RBBP6: variants seen among roughly 807,000 people sequenced by gnomAD.
RBBP6 encodes the protein E3 ubiquitin-protein ligase RBBP6.
Under a neutral mutation model 167.7 loss-of-function variants are expected in RBBP6, and 25 were observed. That is an observed-to-expected ratio of 0.15 (90% CI 0.11 to 0.21). The LOEUF (loss-of-function observed/expected upper bound fraction) is 0.21. Ranked by LOEUF, RBBP6 falls within the 10% of genes least tolerant of loss-of-function variation. The pLI is 1.00. For synonymous variants in RBBP6, 789 were observed against 735.8 expected (o/e 1.07, Z -1.17); for missense variants, 1,868 against 2,134.2 (o/e 0.88, Z 2.46).
chr16:24,563,491 C>G lies in RBBP6; in HGVS notation c.1455C>G (p.Ile485Met). The part of the protein sequence containing the change: ...LGQSLLHGQL[I>M]PTTGPVRINT... ...AGTCATTATTGCATGGACAGTTGAT[C>G]CCCACAACTGGTGAGTAAGATCACT... Residue 485 changes from isoleucine (I) to methionine (M), a missense_variant, in exon 12 of 18, where the codon ATC becomes ATG. Ile to Met is a conservative substitution (Grantham distance 10, BLOSUM62 1). This residue lies in a region of RBBP6 where 245 missense variants were observed against 240.1 expected (regional missense o/e 1.02). Transcript: ENST00000319715. 1 of 1,612,754 alleles carries G rather than the reference C, an allele frequency of 6.2e-7. No homozygotes were observed. The highest frequency in any genetic ancestry group is 8.5e-7 in the Non-Finnish European group (1 of 1,179,684).
Position 24,563,462 on chromosome 16 carries a change from G to A in RBBP6, c.1426G>A (p.Gly476Arg). 1 of 1,610,882 alleles carries A rather than the reference G, an allele frequency of 6.2e-7. No homozygotes were observed. The highest frequency in any genetic ancestry group is 1.1e-5 in the South Asian group (1 of 90,884). ...TGTTCTTGGAACCCCATCTTTGCTT[G>A]GACAGTCATTATTGCATGGACAGTT... ...VPVLGTPSLL[G>R]QSLLHGQLIP... Residue 476 changes from glycine (G) to arginine (R), a missense_variant, in exon 12 of 18, where the codon GGA becomes AGA. Gly to Arg is a moderately radical substitution (Grantham distance 125, BLOSUM62 -2). Coordinates refer to ENST00000319715, the MANE Select transcript of RBBP6 (RefSeq NM_006910.5).
Position 24,567,424 on chromosome 16 carries a change from A to G in RBBP6, c.1871A>G (p.His624Arg), listed in dbSNP as rs565113509. Residue 624 changes from histidine (H) to arginine (R), a missense_variant, in exon 15 of 18, where the codon CAT becomes CGT. This residue lies in a region of RBBP6 where 145 missense variants were observed against 224.3 expected (regional missense o/e 0.65). Coordinates refer to ENST00000319715, the MANE Select transcript of RBBP6 (RefSeq NM_006910.5). The part of the protein sequence containing the change: ...PWVSSGVQTA[H>R]SNTIPTTQAP... ...GTATCATCAGGAGTGCAGACAGCTC[A>G]TTCAAATACCATCCCAACAACACAA... 9 of 1,614,204 alleles carry G rather than the reference A, an allele frequency of 5.6e-6. No individual in the cohort carries two copies. The South Asian group carries it at 8.8e-5, about 16-fold the overall frequency.
At chr16:24,567,927 C>G (rs1274075171) in intron 16 of RBBP6, 34 bp downstream of exon 16, 1 of 1,525,196 alleles carries the variant, frequency 6.6e-7, no homozygotes, top group Non-Finnish European at 9.1e-7. Flanking sequence ...AACAGAATTA[C>G]AAACGGGACT....
chr16:24,548,317 G>GT (rs67923848), intron 2 of RBBP6, among the ~76,000 whole-genome samples: 73,038 of 143,522 alleles, frequency 0.51, 19,323 homozygotes, highest in African/African-American at 0.67. Flanking sequence ...TTTTTGTTCA[G>GT]TTTTTTTTTT....
rs746355437 is a variant in RBBP6, at chr16:24,563,561, T to G, written c.1466-49T>G. On this transcript the variant is annotated intron_variant, in intron 12 of 17. Coordinates refer to ENST00000319715, the MANE Select transcript of RBBP6 (RefSeq NM_006910.5). ...CTTTAAAAAATAATTTTAGCTTGAT[T>G]TAATGTGCAATTTTGTATTTACCTA... The G allele has an allele frequency of 6.2e-6, 10 of 1,611,018 alleles. No homozygotes were observed. In the Middle Eastern group the frequency reaches 6.6e-4, roughly 106 times the overall value.
Position 24,549,065 on chromosome 16 carries a change from T to C in RBBP6, c.303+84T>C, listed in dbSNP as rs530727501. 34 of 1,562,604 alleles carry C rather than the reference T, an allele frequency of 2.2e-5. No individual in the cohort carries two copies. In the African/African-American group the frequency reaches 3.5e-4, roughly 16 times the overall value. ...GCAGTGAAGTAAATCATTTTAGAAC[T>C]TAATATCCAACTGATCATAGTACAT... On this transcript the variant is annotated intron_variant, in intron 3 of 17. Coordinates refer to ENST00000319715, the MANE Select transcript of RBBP6 (RefSeq NM_006910.5).
Position 24,540,450 on chromosome 16 carries a change from G to C in RBBP6, c.-177G>C. 1 of 538,142 alleles carries C rather than the reference G, an allele frequency of 1.9e-6. No homozygotes were observed. The highest frequency in any genetic ancestry group is 3.2e-6 in the Non-Finnish European group (1 of 313,592). 33.3% of individuals were successfully genotyped at this position (538,142 alleles called of 1,614,324 possible). A position where few individuals can be genotyped will look rare whatever the true frequency, so the allele number is the denominator to read the frequency against. The stretch of plus-strand genomic sequence containing the variant: ...GATTCTGAGTATCGGGGGGTCTCTG[G>C]ATTATTGTTCTGACGAACCCCTGCT... On this transcript the variant is annotated 5_prime_UTR_variant, in exon 1 of 18. Coordinates refer to ENST00000319715, the MANE Select transcript of RBBP6 (RefSeq NM_006910.5).
At chr16:24,567,728 TTTGTC>T (rs1899229675) in intron 15 of RBBP6, 59 bp from the exon 16 acceptor site, 1 of 1,407,932 alleles carries the variant, frequency 7.1e-7, no homozygotes, top group Admixed American at 2.0e-5. Flanking sequence ...TCTAATTACA[TTTGTC>T]TTGTTAGTTT....
At position 24,570,991 on chromosome 16, in the gene RBBP6, G is replaced by GA; in HGVS notation, c.3926dup (p.Asp1309GlufsTer15). 1 of 1,612,706 alleles carries GA rather than the reference G, an allele frequency of 6.2e-7. No individual in the cohort carries two copies. The highest frequency in any genetic ancestry group is 8.5e-7 in the Non-Finnish European group (1 of 1,178,778). ...TAATGACAATACCGCGCCAGCTGAA[G>GA]ATGTTATCATTATGATTCAGGTTCC... On this transcript the variant is annotated frameshift_variant, in exon 18 of 18. Coordinates refer to ENST00000319715, the MANE Select transcript of RBBP6 (RefSeq NM_006910.5). LOFTEE classifies it high-confidence loss of function.
chr16:24,569,981 A>G lies in RBBP6; in HGVS notation c.3291A>G (p.Lys1097=), dbSNP rs748085335. The change falls in exon 17 of 18, where the codon AAA becomes AAG. Residue 1097 remains lysine, a synonymous_variant. Transcript: ENST00000319715. ...GAAAAGCTCACTCTAAATCAGCAAAAGAACACCAAGAAACAAAACCAGTCA... is the reference window on the plus strand; with the variant it reads ...GAAAAGCTCACTCTAAATCAGCAAAGGAACACCAAGAAACAAAACCAGTCA... ...TPRKAHSKSA[K]EHQETKPVKE... 5 of 1,596,690 alleles carry G rather than the reference A, an allele frequency of 3.1e-6. No homozygotes were observed. Among genetic ancestry groups the G allele is most frequent in the Non-Finnish European group, 4.3e-6 (5 of 1,175,868 alleles).
Position 24,555,732 on chromosome 16 carries a change from G to T in RBBP6, c.437+29G>T, listed in dbSNP as rs368026680. 13 of 1,601,062 alleles carry T rather than the reference G, an allele frequency of 8.1e-6. No homozygotes were observed. The African/African-American group carries it at 9.4e-5, about 12-fold the overall frequency. ...AGTTCATAAATATTTTATACTAATAGGAACTTTTGGGGTGGGTTTTCCCCC... is the reference window on the plus strand; with the variant it reads ...AGTTCATAAATATTTTATACTAATATGAACTTTTGGGGTGGGTTTTCCCCC... On this transcript the variant is annotated intron_variant, in intron 5 of 17. Coordinates refer to ENST00000319715, the MANE Select transcript of RBBP6 (RefSeq NM_006910.5).
At chr16:24,564,937 G>T (rs1899157081) in intron 14 of RBBP6, 72 bp downstream of exon 14, 1 of 1,529,500 alleles carries the variant, frequency 6.5e-7, no homozygotes, top group Non-Finnish European at 8.8e-7. Flanking sequence ...AGAAATTAAA[G>T]CACAGCAGTG....
chr16:24,541,632 T>C (rs1357419826), intron 1 of RBBP6, among the ~76,000 whole-genome samples: 5 of 152,230 alleles, frequency 3.3e-5, no homozygotes, highest in Non-Finnish European at 7.3e-5. Context: ...TTAGATTCTT[T>C]CTCCTTTTCA....
chr16:24,568,954 G>A lies in RBBP6; in HGVS notation c.2264G>A (p.Arg755Gln), dbSNP rs199798897. Residue 755 changes from arginine to glutamine, a missense_variant, in exon 17 of 18, where the codon CGA becomes CAA. By Grantham distance (43) the Arg-to-Gln change is conservative. Transcript: ENST00000319715. ...RSRSRSHGYH[R>Q]SRSRSPPYRR... ...CGGTCTAGATCTCATGGATATCATCGATCTAGGTCAAGGTCACCCCCTTAC... is the reference window on the plus strand; with the variant it reads ...CGGTCTAGATCTCATGGATATCATCAATCTAGGTCAAGGTCACCCCCTTAC... The A allele has an allele frequency of 6.8e-6, 11 of 1,614,140 alleles. No individual in the cohort carries two copies. In the South Asian group the frequency reaches 8.8e-5, roughly 13 times the overall value.
At chr16:24,557,099 C>T (rs953925214) in intron 7 of RBBP6, among the ~76,000 whole-genome samples, 1 of 149,840 alleles carries the variant, frequency 6.7e-6, no homozygotes, top group African/African-American at 2.5e-5. Context: ...CCCAGGTTCA[C>T]ACCATTTTCC....
chr16:24,558,526 A>G, intron 7 of RBBP6: 1 of 973,548 alleles, frequency 1.0e-6, no homozygotes, highest in Non-Finnish European at 1.2e-6. Flanking sequence ...CACAAATAAC[A>G]CACCTAAGGT....
intron 3 of RBBP6, among the ~76,000 whole-genome samples, chr16:24,551,651 A>AT (rs1805031448): frequency 6.6e-6 from 1 of 151,764 alleles, no homozygotes. Flanking sequence ...AAAGGATACT[A>AT]TATCTTAAGT....
chr16:24,561,287 G>T (rs1899048564), intron 8 of RBBP6, among the ~76,000 whole-genome samples: 1 of 151,560 alleles, frequency 6.6e-6, no homozygotes, highest in South Asian at 2.1e-4. Flanking sequence ...GGGGATCCTT[G>T]CTATTTTGCC....
intron 16 of RBBP6, 62 bp downstream of exon 16, chr16:24,567,955 A>T: frequency 7.4e-7 from 1 of 1,355,190 alleles, no homozygotes; most frequent in Non-Finnish European, 1.0e-6. Context: ...TCCAGGGATT[A>T]GCTATGGATA....
Sources: allele counts gnomAD v4.1 joint callset (sites outside exome capture counted in the v4.1 genomes callset), GRCh38; gene constraint gnomAD v4.1.1; regional missense constraint gnomAD v4.1.1; transcripts MANE v1.5; gene names NCBI Gene and HGNC (gene_info 2026-07-23, HGNC 2026-07-21).